The following TBCD variants were observed in gnomAD, a reference collection of about 807,000 sequenced individuals.
TBCD encodes the protein tubulin folding cofactor D.
Under a neutral mutation model 169.3 loss-of-function variants are expected in TBCD, and 105 were observed. That is an observed-to-expected ratio of 0.62 (90% CI 0.53 to 0.73). TBCD has a LOEUF of 0.73. Among genes scored for constraint, TBCD ranks in the 30% least tolerant of loss-of-function variants. The pLI, the probability that TBCD is intolerant of heterozygous loss-of-function variation, is 0.00. For synonymous variants in TBCD, 700 were observed against 643.9 expected (o/e 1.09, Z -1.32); for missense variants, 1,444 against 1,600.1 (o/e 0.90, Z 1.66).
chr17:82,815,612 TG>T (rs368753664), intron 13 of TBCD, among the ~76,000 whole-genome samples: 160 of 152,320 alleles, frequency 1.1e-3, no homozygotes, highest in African/African-American at 3.7e-3. Context: ...GGAGAGTCCC[TG>T]GGTGTGGCTG....
intron 11 of TBCD, 80 bp from the exon 12 acceptor site, chr17:82,809,628 C>A: frequency 7.0e-7 from 1 of 1,437,766 alleles, no homozygotes; most frequent in Non-Finnish European, 9.6e-7. Context: ...GATGGGTGTT[C>A]AGGCCATTCA....
At chr17:82,935,006 G>A (rs1224170478) in intron 34 of TBCD, among the ~76,000 whole-genome samples, 8 of 152,224 alleles carry the variant, frequency 5.3e-5, no homozygotes, top group Non-Finnish European at 1.0e-4. Context: ...GAAGGTTGCC[G>A]TGAGCTGAGA....
intron 16 of TBCD, chr17:82,893,183 T>C: frequency 3.9e-6 from 1 of 254,688 alleles, no homozygotes; most frequent in South Asian, 5.4e-5. Context: ...GGCATGGGGC[T>C]CAGGCCGATG....
intron 13 of TBCD, among the ~76,000 whole-genome samples, chr17:82,839,156 T>C (rs2054243416): frequency 6.6e-6 from 1 of 152,234 alleles, no homozygotes; most frequent in South Asian, 2.1e-4. Context: ...TTTTAAACTT[T>C]AAAACTATTA....
chr17:82,836,694 A>AAAAAC (rs985685648), intron 13 of TBCD, among the ~76,000 whole-genome samples: 4 of 151,318 alleles, frequency 2.6e-5, no homozygotes, highest in East Asian at 1.9e-4. Flanking sequence ...AGGCAAAAAA[A>AAAAAC]AAAACAAAAC....
chr17:82,866,493 G>C (rs9303014), intron 13 of TBCD, among the ~76,000 whole-genome samples: 1 of 152,232 alleles, frequency 6.6e-6, no homozygotes, highest in South Asian at 2.1e-4. Context: ...GCCGTCAGCA[G>C]CCAGGCCTTG....
At chr17:82,927,406 A>G in intron 29 of TBCD, 83 bp downstream of exon 29, 3 of 1,501,526 alleles carry the variant, frequency 2.0e-6, no homozygotes, top group Non-Finnish European at 1.8e-6. Context: ...GCTTTTCTGC[A>G]GGGAGAAATC....
In TBCD at chr17:82,781,512, T is replaced by TGTGTGTGGG. The variant is rs2048948534; in HGVS notation, c.639-73_639-65dup. ...AGGTGGGAGGGCCTGGGGAGGTGGG[T>TGTGTGTGGG]GTGTGTGGGGTGGGCTGGTGAGGCG... On this transcript the variant is annotated intron_variant, in intron 6 of 38. Transcript: ENST00000355528. 4.9e-5 allele frequency: 76 copies of TGTGTGTGGG among 1,557,528 alleles called. No individual in the cohort carries two copies. In the South Asian group the frequency reaches 8.6e-4, roughly 18 times the overall value.
intron 12 of TBCD, among the ~76,000 whole-genome samples, chr17:82,811,816 C>T (rs2051462234): frequency 6.6e-6 from 1 of 152,206 alleles, no homozygotes; most frequent in South Asian, 2.1e-4. Context: ...CTGCTCCAAT[C>T]TTGTCCTTCC....
chr17:82,829,994 T>A, intron 13 of TBCD: 1 of 1,069,804 alleles, frequency 9.3e-7, no homozygotes, highest in Middle Eastern at 3.3e-4. Flanking sequence ...ATTGGAGGGT[T>A]TTTTGTTTGT....
rs772720236 is a variant in TBCD, at chr17:82,938,162, T to TG, written c.3369+27dup. On this transcript the variant is annotated intron_variant, in intron 36 of 38. Transcript: ENST00000355528. ...GTGAGTGCCTGCCCCTGCTCACGTG[T>TG]GTTTGCCGTGTGGACACAAGCCCCT... 1.2e-4 allele frequency: 200 copies of TG among 1,602,686 alleles called. No individual in the cohort carries two copies. In the African/African-American group the frequency reaches 2.4e-3, roughly 19 times the overall value.
chr17:82,839,252 G>A (rs2054251848), intron 13 of TBCD, among the ~76,000 whole-genome samples: 1 of 152,036 alleles, frequency 6.6e-6, no homozygotes, highest in Non-Finnish European at 1.5e-5. Context: ...TGTCTAATGT[G>A]TATACACCAC....
At position 82,940,649 on chromosome 17, in the gene TBCD, C is replaced by T. The variant is rs112316936; in HGVS notation, c.3480-750C>T. On this transcript the variant is annotated intron_variant, in intron 37 of 38. Transcript: ENST00000355528. The stretch of plus-strand genomic sequence containing the variant: ...GTGTGTGTCTGCTCCTAAACAAACA[C>T]GTGGTCCCAGGAGAGGAACCGGGAG... Among the ~76,000 whole-genome samples the T allele has an allele frequency of 3.2e-3, 489 of 152,284 alleles. 2 individuals carry two copies. Among genetic ancestry groups the T allele is most frequent in the African/African-American group, 0.011 (466 of 41,556 alleles).
Position 82,809,711 on chromosome 17 carries a change from C to T in TBCD, c.1152C>T (p.Ile384=), listed in dbSNP as rs758733567. Residue 384 remains isoleucine, a synonymous_variant, in exon 12 of 39, where the codon ATC becomes ATT. Transcript: ENST00000355528. Reference sequence around the variant, plus strand: ...GATTGCTGCGTTTCTCTTTCAGCATCGGTAGGATGGCTGGCAGGCTTCCCA... The same window carrying T: ...GATTGCTGCGTTTCTCTTTCAGCATTGGTAGGATGGCTGGCAGGCTTCCCA... ...TVVRWSAAKG[I]GRMAGRLPRA... 13 of 1,612,686 alleles carry T rather than the reference C, an allele frequency of 8.1e-6. No individual in the cohort carries two copies. The highest frequency in any genetic ancestry group is 3.3e-5 in the South Asian group (3 of 90,884).
intron 13 of TBCD, among the ~76,000 whole-genome samples, chr17:82,867,372 C>T (rs551331794): frequency 8.5e-5 from 13 of 152,294 alleles, no homozygotes; most frequent in South Asian, 2.1e-4. Context: ...CCCAGATGCC[C>T]GAGGCTATGG....
At chr17:82,887,128 A>C in intron 15 of TBCD, among the ~76,000 whole-genome samples, 2 of 104,810 alleles carry the variant, frequency 1.9e-5, no homozygotes, top group South Asian at 3.8e-4. Context: ...TTTTACCTGT[A>C]CTCTGTGTGT....
intron 5 of TBCD, 118 bp from the exon 6 acceptor site, chr17:82,772,334 A>T: frequency 5.0e-6 from 5 of 1,005,572 alleles, no homozygotes; most frequent in Non-Finnish European, 6.3e-6. Context: ...CTGTGCTGGT[A>T]AGGTTTGTGA....
At position 82,831,832 on chromosome 17, in the gene TBCD, T is replaced by C. The variant is rs764168171; in HGVS notation, c.1318+16898T>C. On this transcript the variant is annotated intron_variant, in intron 13 of 38. Coordinates refer to ENST00000355528, the MANE Select transcript of TBCD (RefSeq NM_005993.5). The surrounding 1 kb of genome is among the most constrained non-coding windows in gnomAD (Gnocchi z 4.6). Reference sequence around the variant, plus strand: ...TGGTGGAAGGAAAGGTGAGCCGGCTTTCCAGGGGTAGCCAGGAGTGTGGAA... The same window carrying C: ...TGGTGGAAGGAAAGGTGAGCCGGCTCTCCAGGGGTAGCCAGGAGTGTGGAA... 4 of 1,614,206 alleles carry C rather than the reference T, an allele frequency of 2.5e-6. No homozygotes were observed. The South Asian group carries it at 3.3e-5, about 13-fold the overall frequency.
At chr17:82,783,318 G>A (rs28459016) in intron 7 of TBCD, among the ~76,000 whole-genome samples, 40,359 of 152,024 alleles carry the variant, frequency 0.27, 5,622 homozygotes, top group East Asian at 0.44. Context: ...TTCTTCAGGC[G>A]TCCCCTCAAC....
Sources: allele counts gnomAD v4.1 joint callset (sites outside exome capture counted in the v4.1 genomes callset), GRCh38; gene constraint gnomAD v4.1.1; non-coding constraint Gnocchi (gnomAD v3.1); transcripts MANE v1.5; gene names NCBI Gene and HGNC (gene_info 2026-07-23, HGNC 2026-07-21).